PARVA: variants seen among roughly 807,000 people sequenced by gnomAD.
PARVA encodes the protein parvin alpha.
PARVA carries 25 observed loss-of-function variants against 52.6 expected under a neutral mutation model. The ratio of observed to expected loss-of-function variants is 0.48; its 90% confidence interval spans 0.35 to 0.66. PARVA has a LOEUF of 0.66. Ranked by LOEUF, PARVA falls within the 30% of genes least tolerant of loss-of-function variation. PARVA has a pLI of 0.01. For synonymous variants in PARVA, 185 were observed against 179.1 expected (o/e 1.03, Z -0.26); for missense variants, 373 against 450.9 (o/e 0.83, Z 1.56).
chr11:12,406,773 C>A (rs1220166671), intron 1 of PARVA, among the ~76,000 whole-genome samples: 1 of 146,252 alleles, frequency 6.8e-6, no homozygotes, highest in Non-Finnish European at 1.5e-5. Context: ...CAGGTTCATA[C>A]CATTCTCCTG....
intron 1 of PARVA, among the ~76,000 whole-genome samples, chr11:12,422,964 C>T (rs934960823): frequency 7.9e-5 from 12 of 152,110 alleles, no homozygotes; most frequent in African/African-American, 2.9e-4. Flanking sequence ...AAGCAATTCT[C>T]GCGCCTCAGC....
At chr11:12,509,574 A>C (rs993199296) in intron 7 of PARVA, among the ~76,000 whole-genome samples, 8 of 152,186 alleles carry the variant, frequency 5.3e-5, no homozygotes, top group Admixed American at 5.2e-4. Context: ...GCCATGACTG[A>C]CAGGAGTCTG....
rs571973101 is a variant in PARVA, at chr11:12,406,661, G to GTTTTTTTTTTTTTTTTTTTTTTTT, written c.136+28882_136+28905dup. On this transcript the variant is annotated intron_variant, in intron 1 of 12. Coordinates refer to ENST00000334956, the MANE Select transcript of PARVA (RefSeq NM_018222.5). ...ATTGTTAGCTATTTAGGTTGTATCT[G>GTTTTTTTTTTTTTTTTTTTTTTTT]TTTTTTTTTTTTTTTTTTTTTTTTT... 8.0e-4 allele frequency among the ~76,000 whole-genome samples: 62 copies of GTTTTTTTTTTTTTTTTTTTTTTTT among 77,792 alleles called. 5 individuals carry two copies. Among genetic ancestry groups the GTTTTTTTTTTTTTTTTTTTTTTTT allele is most frequent in the East Asian group, 1.5e-3 (4 of 2,694 alleles). 51.0% of individuals were successfully genotyped at this position (77,792 alleles called of 152,430 possible).
chr11:12,518,357 A>G lies in PARVA; in HGVS notation c.970-88A>G. On this transcript the variant is annotated intron_variant, in intron 11 of 12. Transcript: ENST00000334956. Reference sequence around the variant, plus strand: ...TAGTTCAGCCTCTGTCCCTCTGGCTACAGTGCTGGGCTCCTTCACTTCCCA... The same window carrying G: ...TAGTTCAGCCTCTGTCCCTCTGGCTGCAGTGCTGGGCTCCTTCACTTCCCA... 3 of 931,380 alleles carry G rather than the reference A, an allele frequency of 3.2e-6. No homozygotes were observed. The South Asian group carries it at 4.2e-5, about 13-fold the overall frequency. 57.7% of individuals were successfully genotyped at this position (931,380 alleles called of 1,614,324 possible).
At chr11:12,512,004 C>T (rs180879971) in intron 8 of PARVA, among the ~76,000 whole-genome samples, 13 of 152,134 alleles carry the variant, frequency 8.5e-5, no homozygotes, top group East Asian at 1.9e-4. Flanking sequence ...CAGAAAAAAA[C>T]GTTTTGAGCA....
At chr11:12,423,352 T>A (rs1425710025) in intron 1 of PARVA, among the ~76,000 whole-genome samples, 1 of 20,456 alleles carries the variant, frequency 4.9e-5, no homozygotes, top group African/African-American at 1.5e-4. Context: ...CTAATTTTTG[T>A]TTTTTTTTTT....
chr11:12,429,940 A>G (rs1940292934), intron 1 of PARVA, among the ~76,000 whole-genome samples: 1 of 152,120 alleles, frequency 6.6e-6, no homozygotes, highest in South Asian at 2.1e-4. Context: ...AGTTTTAAAT[A>G]CTGGAAGAAT....
intron 1 of PARVA, among the ~76,000 whole-genome samples, chr11:12,453,902 A>C (rs1329474609): frequency 1.3e-5 from 2 of 152,204 alleles, no homozygotes; most frequent in Non-Finnish European, 2.9e-5. Context: ...GGTTCCCCTG[A>C]AGACGTATTG....
intron 1 of PARVA, among the ~76,000 whole-genome samples, chr11:12,396,223 C>T (rs968544870): frequency 1.1e-4 from 16 of 152,168 alleles, no homozygotes; most frequent in African/African-American, 3.9e-4. Flanking sequence ...AAGTCTAACT[C>T]TTTGCCCACT....
chr11:12,505,476 A>G (rs762753975), intron 6 of PARVA, among the ~76,000 whole-genome samples: 1 of 152,222 alleles, frequency 6.6e-6, no homozygotes, highest in Non-Finnish European at 1.5e-5. Context: ...GTGAAAAACT[A>G]TTTATTCCAC....
chr11:12,497,914 C>T (rs902009325), intron 5 of PARVA, among the ~76,000 whole-genome samples: 4 of 152,066 alleles, frequency 2.6e-5, no homozygotes, highest in East Asian at 3.9e-4. Context: ...TCCTATCTCC[C>T]GCTCCTTTGA....
intron 1 of PARVA, among the ~76,000 whole-genome samples, chr11:12,428,814 A>C (rs2134991807): frequency 6.6e-6 from 1 of 152,330 alleles, no homozygotes; most frequent in African/African-American, 2.4e-5. Flanking sequence ...AACGAGAAGG[A>C]ACATAAATTT....
intron 1 of PARVA, among the ~76,000 whole-genome samples, chr11:12,443,642 T>A (rs1940501791): frequency 6.7e-6 from 1 of 150,130 alleles, no homozygotes; most frequent in African/African-American, 2.4e-5. Flanking sequence ...TTTATTTTAC[T>A]GATACTTTCT....
chr11:12,490,666 A>G (rs2135054647), intron 4 of PARVA, among the ~76,000 whole-genome samples: 1 of 152,356 alleles, frequency 6.6e-6, no homozygotes, highest in South Asian at 2.1e-4. Flanking sequence ...CTAAAATGCA[A>G]TAGTGAACAA....
rs1239990442 is a variant in PARVA at position 12,514,045 on chromosome 11, G to C, written c.847G>C (p.Val283Leu). 6.2e-7 allele frequency: 1 copy of C among 1,613,944 alleles called. No individual in the cohort carries two copies. The highest frequency in any genetic ancestry group is 1.7e-5 in the Admixed American group (1 of 60,034). ...NKHLNKLNLE[V>L]TELETQFADG... is the part of the protein sequence containing the mutation. ...GCACCTGAATAAACTGAACCTGGAG[G>C]TCACAGAACTGGAAACCCAGGTGGG... The change falls in exon 10 of 13, where the codon GTC becomes CTC. Residue 283 changes from valine to leucine, a missense_variant. Transcript: ENST00000334956.
intron 1 of PARVA, among the ~76,000 whole-genome samples, chr11:12,390,981 C>T (rs1473935503): frequency 1.3e-5 from 2 of 152,098 alleles, no homozygotes; most frequent in Admixed American, 1.3e-4. Flanking sequence ...TGTTACAAGG[C>T]CTCTCTTGGT....
chr11:12,464,673 T>C (rs142330915), intron 1 of PARVA, among the ~76,000 whole-genome samples: 1 of 152,210 alleles, frequency 6.6e-6, no homozygotes, highest in Non-Finnish European at 1.5e-5. Flanking sequence ...ACCTTCTAAA[T>C]GATTTTTTAA....
chr11:12,436,795 G>A (rs1166404849), intron 1 of PARVA, among the ~76,000 whole-genome samples: 3 of 152,160 alleles, frequency 2.0e-5, no homozygotes, highest in Non-Finnish European at 4.4e-5. Context: ...GGATGGAAAT[G>A]CAAACTATTT....
chr11:12,523,943 C>T (rs953362729), intron 12 of PARVA, among the ~76,000 whole-genome samples: 2 of 152,210 alleles, frequency 1.3e-5, no homozygotes, highest in African/African-American at 2.4e-5. Flanking sequence ...TCCTTTTGGC[C>T]TACTAGTCTG....
Sources: gnomAD v4.1 joint callset for allele counts (sites outside exome capture counted in the v4.1 genomes callset) on GRCh38, gnomAD v4.1.1 for gene constraint, MANE v1.5 for transcripts, NCBI Gene and HGNC (gene_info 2026-07-23, HGNC 2026-07-21) for gene names.